NRG1: variants seen among roughly 807,000 people sequenced by gnomAD.
The protein encoded by NRG1 is neuregulin 1.
A neutral mutation model predicts 63.8 loss-of-function variants in NRG1; 18 were observed. The ratio of observed to expected loss-of-function variants is 0.28; its 90% CI spans 0.19 to 0.42. The LOEUF is 0.42. NRG1 is among the 10% of genes least tolerant of loss of function. The pLI is 1.00. For missense variants in NRG1, 762 were observed against 814.7 expected (o/e 0.94, Z 0.79); for synonymous variants, 302 against 301.3 (o/e 1.00, Z -0.02).
In NRG1 at chr8:31,935,496, G is replaced by T. The variant is rs532449226; in HGVS notation, c.37+296065G>T. On this transcript the variant is annotated intron_variant, in intron 1 of 10. Coordinates refer to the NRG1 transcript ENST00000519301. ...TGGTCTCAAACTCCTGTGTTCAAGT[G>T]GTCCTCCCGCCTCAGCCTCCCAAAA... Among the ~76,000 whole-genome samples, 18 of 151,992 alleles carry T rather than the reference G, an allele frequency of 1.2e-4. No individual in the cohort carries two copies. The South Asian group carries it at 3.7e-3, about 32-fold the overall frequency.
intron 5 of NRG1, among the ~76,000 whole-genome samples, chr8:32,645,057 CGT>C (rs1853226478): frequency 6.6e-6 from 1 of 151,978 alleles, no homozygotes; most frequent in Admixed American, 6.6e-5. Context: ...AATTCAGTGC[CGT>C]ATATTTCAAC....
chr8:31,911,964 G>A (rs554600790), intron 1 of NRG1, among the ~76,000 whole-genome samples: 1 of 152,218 alleles, frequency 6.6e-6, no homozygotes, highest in African/African-American at 2.4e-5. Flanking sequence ...CGGATTCATT[G>A]GTTATTGGTT....
At chr8:32,490,258 T>A (rs1826390162) in intron 1 of NRG1, among the ~76,000 whole-genome samples, 1 of 151,462 alleles carries the variant, frequency 6.6e-6, no homozygotes, top group Non-Finnish European at 1.5e-5. Context: ...TGAACTGATA[T>A]CGCGCCACTG....
chr8:32,195,817 T>A (rs545389950), intron 1 of NRG1, among the ~76,000 whole-genome samples: 1 of 152,302 alleles, frequency 6.6e-6, no homozygotes, highest in East Asian at 1.9e-4. Context: ...TTGTTTAATA[T>A]ATTTAAGAAA....
At chr8:32,054,353 G>A (rs887697280) in intron 1 of NRG1, among the ~76,000 whole-genome samples, 1 of 152,096 alleles carries the variant, frequency 6.6e-6, no homozygotes, top group African/African-American at 2.4e-5. Context: ...CAAGGGTGTT[G>A]GCTAAAATGT....
chr8:31,709,136 A>C (rs1224987165), intron 1 of NRG1, among the ~76,000 whole-genome samples: 2 of 151,740 alleles, frequency 1.3e-5, no homozygotes, highest in Non-Finnish European at 2.9e-5. Flanking sequence ...TTCAAGGTTC[A>C]ACTGTAGTCC....
intron 1 of NRG1, among the ~76,000 whole-genome samples, chr8:32,288,200 C>A (rs1251867772): frequency 6.6e-6 from 1 of 151,928 alleles, no homozygotes; most frequent in Non-Finnish European, 1.5e-5. Flanking sequence ...TCACAAACTG[C>A]CATTTAGAGA....
At chr8:32,576,707 G>T (rs922515650) in intron 1 of NRG1, among the ~76,000 whole-genome samples, 2 of 151,842 alleles carry the variant, frequency 1.3e-5, no homozygotes, top group Non-Finnish European at 2.9e-5. Context: ...TATGAGAATC[G>T]CCTGCGATGC....
chr8:32,443,244 G>C (rs559048096), intron 1 of NRG1, among the ~76,000 whole-genome samples: 1 of 152,094 alleles, frequency 6.6e-6, no homozygotes, highest in Admixed American at 6.6e-5. Context: ...ACCCAGCCTG[G>C]GTGTCTGTCT....
Position 32,337,156 on chromosome 8 carries a change from G to C in NRG1, c.38-258672G>C, listed in dbSNP as rs564156533. Among the ~76,000 whole-genome samples, 351 of 152,158 alleles carry C rather than the reference G, an allele frequency of 2.3e-3. 1 individual carries two copies. Among genetic ancestry groups the C allele is most frequent in the African/African-American group, 7.9e-3 (329 of 41,520 alleles). Reference sequence around the variant, plus strand: ...CTCCCAAGTAGCTGTGACTACAGGAGTACACACCATGCCCAGCTAATGTTT... The same window carrying C: ...CTCCCAAGTAGCTGTGACTACAGGACTACACACCATGCCCAGCTAATGTTT... On this transcript the variant is annotated intron_variant, in intron 1 of 10. Transcript: ENST00000519301.
intron 1 of NRG1, among the ~76,000 whole-genome samples, chr8:32,309,236 G>C (rs1260383666): frequency 6.6e-6 from 1 of 152,090 alleles, no homozygotes; most frequent in Non-Finnish European, 1.5e-5. Flanking sequence ...TTAATTACCA[G>C]AGACTTGGAA....
intron 1 of NRG1, among the ~76,000 whole-genome samples, chr8:32,426,577 G>A (rs767766915): frequency 2.6e-5 from 4 of 152,124 alleles, no homozygotes; most frequent in Non-Finnish European, 5.9e-5. Context: ...TTATGTTTGT[G>A]AAGATGATAA....
At chr8:32,237,450 A>T (rs1847682882) in intron 1 of NRG1, among the ~76,000 whole-genome samples, 1 of 151,464 alleles carries the variant, frequency 6.6e-6, no homozygotes, top group Non-Finnish European at 1.5e-5. Flanking sequence ...TTACTTAACT[A>T]CTTCTAATGC....
chr8:31,991,291 TTCTTCTTCTTCTTCCTCC>T (rs1266600857), intron 1 of NRG1, among the ~76,000 whole-genome samples: 1 of 151,760 alleles, frequency 6.6e-6, no homozygotes. Flanking sequence ...CAACAACTTC[TTCTTCTTCTTCTTCCTCC>T]TCTTCTTCTT....
intron 2 of NRG1, among the ~76,000 whole-genome samples, chr8:32,599,125 T>G (rs1291879996): frequency 6.6e-6 from 1 of 152,120 alleles, no homozygotes; most frequent in Non-Finnish European, 1.5e-5. Flanking sequence ...CTTAGGATAA[T>G]GTCTTTAATT....
At chr8:32,015,966 C>T (rs1157737935) in intron 1 of NRG1, among the ~76,000 whole-genome samples, 2 of 151,918 alleles carry the variant, frequency 1.3e-5, no homozygotes, top group African/African-American at 4.8e-5. Flanking sequence ...GCTTCACTGA[C>T]AGCAGCTCTA....
At chr8:32,647,660 G>C in intron 5 of NRG1, 8 of 1,499,594 alleles carry the variant, frequency 5.3e-6, no homozygotes, top group Non-Finnish European at 7.1e-6. Context: ...TGGTTGGGGG[G>C]GCCTCTGCGT....
chr8:32,506,382 G>A (rs912476804), intron 1 of NRG1, among the ~76,000 whole-genome samples: 22 of 152,160 alleles, frequency 1.4e-4, no homozygotes, highest in Admixed American at 1.0e-3. Context: ...TGCCCAAAGG[G>A]TCTGTAGTCT....
At chr8:32,671,095 A>G (rs117025911) in intron 5 of NRG1, among the ~76,000 whole-genome samples, 53 of 152,016 alleles carry the variant, frequency 3.5e-4, no homozygotes, top group Non-Finnish European at 6.6e-4. Context: ...CTTTTTCTCA[A>G]GACCACTATA....
Sources: gnomAD v4.1 joint callset for allele counts (sites outside exome capture counted in the v4.1 genomes callset) on GRCh38, gnomAD v4.1.1 for gene constraint, MANE v1.5 for transcripts, NCBI Gene and HGNC (gene_info 2026-07-23, HGNC 2026-07-21) for gene names.